TSPEAR: variants seen among roughly 807,000 people sequenced by gnomAD.
TSPEAR encodes the protein thrombospondin type laminin G domain and EAR repeats.
In TSPEAR, 69 loss-of-function variants were observed where a neutral mutation model predicts 71.6. That is an observed-to-expected ratio of 0.96 (90% CI 0.79 to 1.18). The LOEUF is 1.18. Among genes scored for constraint, TSPEAR ranks in the 50% most tolerant of loss-of-function variants. The pLI, the probability that TSPEAR is intolerant of heterozygous loss-of-function variation, is 0.00. For synonymous variants in TSPEAR, 402 were observed against 387.2 expected, an observed-to-expected ratio of 1.04 and a Z score of -0.45; for missense variants, 971 against 894.9, an observed-to-expected ratio of 1.09 and a Z score of -1.09.
chr21:44,673,430 C>T (rs1341164441), intron 1 of TSPEAR, among the ~76,000 whole-genome samples: 1 of 152,124 alleles, frequency 6.6e-6, no homozygotes, highest in Non-Finnish European at 1.5e-5. Context: ...TCTATATGCA[C>T]CCAATACCAA....
intron 1 of TSPEAR, chr21:44,627,002 G>T: frequency 9.5e-7 from 1 of 1,056,260 alleles, no homozygotes; most frequent in Non-Finnish European, 1.4e-6. Flanking sequence ...CATGGCAGAC[G>T]CCGCCTCTCA....
At chr21:44,659,084 C>T (rs1346950382) in intron 1 of TSPEAR, among the ~76,000 whole-genome samples, 1 of 152,130 alleles carries the variant, frequency 6.6e-6, no homozygotes, top group Non-Finnish European at 1.5e-5. Flanking sequence ...AAAGGGCCTG[C>T]CTAAGACTGA....
At chr21:44,668,377 G>A (rs1985894308) in intron 1 of TSPEAR, among the ~76,000 whole-genome samples, 1 of 152,092 alleles carries the variant, frequency 6.6e-6, no homozygotes, top group Non-Finnish European at 1.5e-5. Context: ...ACTACAAAAC[G>A]TTGAAAGAAA....
chr21:44,711,341 A>T lies in TSPEAR; in HGVS notation c.82+92T>A. 7 of 1,213,874 alleles carry T rather than the reference A, an allele frequency of 5.8e-6. No individual in the cohort carries two copies. The South Asian group carries it at 1.0e-4, about 18-fold the overall frequency. 75.2% of individuals were successfully genotyped at this position (1,213,874 alleles called of 1,614,324 possible). ...AAGCGTCCTCGGGCACCGCGGCTTG[A>T]ATCAGTGTTAGAAAGTGGCATTTGT... is the stretch of plus-strand genomic sequence containing the variant. On this transcript the variant is annotated intron_variant, in intron 1 of 11. Coordinates refer to ENST00000323084, the MANE Select transcript of TSPEAR (RefSeq NM_144991.3). The surrounding 1 kb of genome is among the most constrained non-coding windows in gnomAD (Gnocchi z 4.5).
intron 1 of TSPEAR, among the ~76,000 whole-genome samples, chr21:44,701,689 A>G (rs1555951539): frequency 6.6e-6 from 1 of 152,036 alleles, no homozygotes; most frequent in Admixed American, 6.5e-5. Context: ...CAGTGCTTCC[A>G]CTGATCTGGC....
chr21:44,672,411 A>G (rs1555946153), intron 1 of TSPEAR, among the ~76,000 whole-genome samples: 1 of 152,142 alleles, frequency 6.6e-6, no homozygotes, highest in Non-Finnish European at 1.5e-5. Context: ...TCTACTAAAA[A>G]TACAAAAAAT....
intron 1 of TSPEAR, among the ~76,000 whole-genome samples, chr21:44,577,053 T>C (rs1350952734): frequency 6.6e-6 from 1 of 152,146 alleles, no homozygotes; most frequent in African/African-American, 2.4e-5. Flanking sequence ...AGTAAAAATA[T>C]AAATCACAAT....
At chr21:44,557,717 G>A (rs1190466283) in intron 2 of TSPEAR, 9 of 345,828 alleles carry the variant, frequency 2.6e-5, no homozygotes, top group East Asian at 1.1e-4. Flanking sequence ...CCAGAGTCCC[G>A]AAGCTCCCAC....
intron 2 of TSPEAR, chr21:44,557,858 C>G: frequency 2.9e-6 from 2 of 685,718 alleles, no homozygotes; most frequent in Non-Finnish European, 2.4e-6. Flanking sequence ...CAGTGACCAC[C>G]GGCTGGCCAG....
intron 1 of TSPEAR, chr21:44,681,672 G>T (rs1250789996): frequency 1.0e-6 from 1 of 985,750 alleles, no homozygotes; most frequent in Non-Finnish European, 1.5e-6. Context: ...TTCAGCCAGG[G>T]CTCCAGATCA....
At chr21:44,595,264 A>G (rs1980286866) in intron 1 of TSPEAR, among the ~76,000 whole-genome samples, 1 of 152,098 alleles carries the variant, frequency 6.6e-6, no homozygotes, top group African/African-American at 2.4e-5. Context: ...CCGTATATGC[A>G]CACACACAGC....
intron 1 of TSPEAR, among the ~76,000 whole-genome samples, chr21:44,588,783 G>A (rs1245745166): frequency 8.9e-6 from 1 of 112,202 alleles, no homozygotes; most frequent in East Asian, 2.6e-4. Context: ...ATGTATGTGT[G>A]TGTGTATATA....
At chr21:44,626,102 G>A (rs1435158235) in intron 1 of TSPEAR, among the ~76,000 whole-genome samples, 3 of 152,186 alleles carry the variant, frequency 2.0e-5, no homozygotes, top group Admixed American at 2.0e-4. Context: ...CAACAAAGAC[G>A]TTCTACTCAA....
At position 44,504,861 on chromosome 21, in the gene TSPEAR, A is replaced by G; in HGVS notation, c.1775T>C (p.Phe592Ser). Residue 592 changes from phenylalanine to serine, a missense_variant, in exon 11 of 12, where the codon TTC (phenylalanine) becomes TCC (serine). Phe to Ser is a radical substitution (Grantham distance 155). Transcript: ENST00000323084. ...CAGGAAATAATCTTCTCCCACCGAG[A>G]AAAACTCCCAGTCCAGAGCACTGCA... The part of the protein sequence containing the change: ...LTCSALDWEF[F>S]SVGEDYFLVV... 1 of 1,613,772 alleles carries G rather than the reference A, an allele frequency of 6.2e-7. No homozygotes were observed. The highest frequency in any genetic ancestry group is 8.5e-7 in the Non-Finnish European group (1 of 1,179,824).
rs114810328 is a variant in TSPEAR, at chr21:44,608,863, T to C, written c.83-40858A>G. Among the ~76,000 whole-genome samples, 254 of 152,356 alleles carry C rather than the reference T, an allele frequency of 1.7e-3. 1 individual carries two copies. Among genetic ancestry groups the C allele is most frequent in the African/African-American group, 5.7e-3 (237 of 41,582 alleles). On this transcript the variant is annotated intron_variant, in intron 1 of 11. Transcript: ENST00000323084. The stretch of plus-strand genomic sequence containing the variant: ...ATCTATGACCAAGCAATTCCACTTT[T>C]GGGAGCACAATGAAGAGAAATTAGT...
chr21:44,686,998 C>G (rs1986890384), intron 1 of TSPEAR, among the ~76,000 whole-genome samples: 1 of 152,194 alleles, frequency 6.6e-6, no homozygotes. Flanking sequence ...GTGGCTGAAG[C>G]TGCTGAGTCC....
rs587756597 is a variant in TSPEAR, at chr21:44,668,419, C to G, written c.82+43014G>C. 9.8e-5 allele frequency among the ~76,000 whole-genome samples: 15 copies of G among 152,332 alleles called. No homozygotes were observed. In the South Asian group the frequency reaches 2.7e-3, roughly 27 times the overall value. On this transcript the variant is annotated intron_variant, in intron 1 of 11. Transcript: ENST00000323084. The stretch of plus-strand genomic sequence containing the variant: ...GCAACAGAAATAAATGGAAACACAT[C>G]CCATGTTCATGAATTGGAAATTAAT...
At chr21:44,682,448 C>G (rs561394422) in intron 1 of TSPEAR, among the ~76,000 whole-genome samples, 1 of 152,222 alleles carries the variant, frequency 6.6e-6, no homozygotes, top group Non-Finnish European at 1.5e-5. Context: ...GTTAGTTCTA[C>G]GCTGAAGCAG....
intron 2 of TSPEAR, among the ~76,000 whole-genome samples, chr21:44,538,398 C>A (rs587708995): frequency 6.8e-6 from 1 of 147,424 alleles, no homozygotes; most frequent in Admixed American, 6.9e-5. Flanking sequence ...GGCTCCTTGT[C>A]CCTACACCTG....
Sources: gnomAD v4.1 joint callset for allele counts (sites outside exome capture counted in the v4.1 genomes callset) on GRCh38, gnomAD v4.1.1 for gene constraint, Gnocchi (gnomAD v3.1) non-coding constraint, MANE v1.5 for transcripts, NCBI Gene and HGNC (gene_info 2026-07-23, HGNC 2026-07-21) for gene names.